Variants in RANBP3 observed in about 807,000 individuals in gnomAD.
The protein encoded by RANBP3 is ran-binding protein 3.
In RANBP3, 14 loss-of-function variants were observed where a neutral mutation model predicts 77.3. The observed-to-expected ratio is 0.18, with a 90% CI of 0.12 to 0.28. The LOEUF (loss-of-function observed/expected upper bound fraction) is 0.28. Ranked by LOEUF, RANBP3 falls within the 10% of genes least tolerant of loss-of-function variation. RANBP3 has a pLI of 1.00. For synonymous variants in RANBP3, 315 were observed against 312.4 expected, an observed-to-expected ratio of 1.01 and a Z score of -0.09; for missense variants, 586 against 752.3, an observed-to-expected ratio of 0.78 and a Z score of 2.59.
chr19:5,973,655 A>G (rs559794627), intron 1 of RANBP3, among the ~76,000 whole-genome samples: 3 of 152,156 alleles, frequency 2.0e-5, no homozygotes, highest in Non-Finnish European at 4.4e-5. Flanking sequence ...CCCAGGGCCA[A>G]CTCTGAGTGG....
At chr19:5,960,274 C>T (rs999200252) in intron 1 of RANBP3, among the ~76,000 whole-genome samples, 6 of 152,194 alleles carry the variant, frequency 3.9e-5, no homozygotes, top group African/African-American at 7.2e-5. Context: ...AGTTTGAGCT[C>T]GATTTCTGCC....
chr19:5,977,598 G>A (rs1350934891), intron 1 of RANBP3, among the ~76,000 whole-genome samples: 2 of 152,076 alleles, frequency 1.3e-5, no homozygotes, highest in African/African-American at 2.4e-5. Flanking sequence ...GGAGGACGAG[G>A]GCCTCACGGG....
intron 6 of RANBP3, 99 bp downstream of exon 6, chr19:5,933,315 T>C: frequency 1.0e-6 from 1 of 956,552 alleles, no homozygotes; most frequent in South Asian, 1.7e-5. Context: ...GTGATCTTTC[T>C]AGAAAGCAGG....
chr19:5,943,119 A>C (rs971768796), intron 3 of RANBP3, among the ~76,000 whole-genome samples: 1 of 152,216 alleles, frequency 6.6e-6, no homozygotes, highest in Non-Finnish European at 1.5e-5. Flanking sequence ...AGCAGCCCAA[A>C]GCGCACCGAT....
At chr19:5,938,858 T>C (rs1192640830) in intron 5 of RANBP3, among the ~76,000 whole-genome samples, 1 of 151,988 alleles carries the variant, frequency 6.6e-6, no homozygotes, top group Admixed American at 6.6e-5. Flanking sequence ...GGGATTCTTT[T>C]TAGTTGAAAT....
At position 5,925,717 on chromosome 19, in the gene RANBP3, G is replaced by A. The variant is rs1174428558; in HGVS notation, c.834C>T (p.Asp278=). 1.9e-6 allele frequency: 3 copies of A among 1,613,694 alleles called. No individual in the cohort carries two copies. The highest frequency in any genetic ancestry group is 3.3e-5 in the Admixed American group (2 of 59,974). The change falls in exon 10 of 17, where the codon GAC becomes GAT. Residue 278 remains aspartate (D), a synonymous_variant. Coordinates refer to ENST00000340578, the MANE Select transcript of RANBP3 (RefSeq NM_007322.3). ...DRVKLINESV[D]EADMENAGHP... ...GTCCAGCATTCTCCATGTCGGCTTCGTCCACGCTCTCATTTATCAGCTGGG... is the reference window on the plus strand; with the variant it reads ...GTCCAGCATTCTCCATGTCGGCTTCATCCACGCTCTCATTTATCAGCTGGG...
chr19:5,917,985 G>A lies in RANBP3; in HGVS notation c.1474-5C>T. On this transcript the variant is annotated splice_region_variant and splice_polypyrimidine_tract_variant and intron_variant, in intron 15 of 16. Transcript: ENST00000340578. Reference sequence around the variant, plus strand: ...ACCTGTGTCCTTGGAGCTGGCCTGGGAAGGGAGGAGGGTATGAGACCCCCG... The same window carrying A: ...ACCTGTGTCCTTGGAGCTGGCCTGGAAAGGGAGGAGGGTATGAGACCCCCG... The A allele has an allele frequency of 6.3e-7, 1 of 1,583,126 alleles. No individual in the cohort carries two copies. Among genetic ancestry groups the A allele is most frequent in the South Asian group, 1.1e-5 (1 of 87,778 alleles).
rs1416560265 is a variant in RANBP3, at chr19:5,951,446, G to C, written c.229C>G (p.Pro77Ala). ...AGCTGGGCTTCAGGAGCGGGAGGCGGAGGAGTGCTGGCTGAGGCGCCAGCA... is the reference window on the plus strand; with the variant it reads ...AGCTGGGCTTCAGGAGCGGGAGGCGCAGGAGTGCTGGCTGAGGCGCCAGCA... ...APAGASASTPPPPAPEAQLPP... is the reference protein window; with the variant it reads ...APAGASASTPAPPAPEAQLPP... The change falls in exon 3 of 17, where the codon CCG (proline) becomes GCG (alanine). Residue 77 changes from proline (P) to alanine (A), a missense_variant. Physicochemically the swap from Pro to Ala is conservative, Grantham distance 27. This residue lies in a region of RANBP3 where 172 missense variants were observed against 183.4 expected (regional missense o/e 0.94). Transcript: ENST00000340578. The C allele has an allele frequency of 6.9e-6, 11 of 1,598,458 alleles. No individual in the cohort carries two copies. Among genetic ancestry groups the C allele is most frequent in the Non-Finnish European group, 9.4e-6 (11 of 1,171,994 alleles).
intron 1 of RANBP3, among the ~76,000 whole-genome samples, chr19:5,966,263 C>T (rs1422167177): frequency 1.3e-5 from 2 of 152,152 alleles, no homozygotes; most frequent in African/African-American, 4.8e-5. Context: ...TCATGAGTTC[C>T]GGGGTCAGTG....
chr19:5,929,887 C>T (rs1250947728), intron 8 of RANBP3, among the ~76,000 whole-genome samples: 1 of 152,220 alleles, frequency 6.6e-6, no homozygotes, highest in Non-Finnish European at 1.5e-5. Flanking sequence ...GGCTTTGGAG[C>T]CAGACGCAGG....
chr19:5,953,396 G>A (rs528432493), intron 2 of RANBP3, among the ~76,000 whole-genome samples: 2 of 152,246 alleles, frequency 1.3e-5, no homozygotes, highest in Non-Finnish European at 2.9e-5. Flanking sequence ...CAAAAACCAC[G>A]TGCACCAGGG....
intron 3 of RANBP3, among the ~76,000 whole-genome samples, chr19:5,944,390 G>T (rs1416848606): frequency 2.0e-5 from 3 of 152,222 alleles, no homozygotes; most frequent in Non-Finnish European, 4.4e-5. Context: ...CATCTGTGGG[G>T]TGGGTACAGG....
In RANBP3 at chr19:5,941,658, T is replaced by C; in HGVS notation, c.369A>G (p.Arg123=). 1.9e-6 allele frequency: 3 copies of C among 1,613,876 alleles called. No homozygotes were observed. The highest frequency in any genetic ancestry group is 2.5e-6 in the Non-Finnish European group (3 of 1,179,914). ...GNYCPPVKRE[R]TSSLTQFPPS... is the part of the protein sequence containing the mutation. Reference sequence around the variant, plus strand: ...GTGGGAACTGGGTTAAAGAGGATGTTCTTTCTCGCTTGACAGGAGGGCAGT... The same window carrying C: ...GTGGGAACTGGGTTAAAGAGGATGTCCTTTCTCGCTTGACAGGAGGGCAGT... Residue 123 remains arginine (R), a synonymous_variant, in exon 5 of 17, where the codon AGA becomes AGG. Transcript: ENST00000340578.
intron 2 of RANBP3, among the ~76,000 whole-genome samples, chr19:5,953,906 TGGAACGATA>T: frequency 6.6e-6 from 1 of 152,260 alleles, no homozygotes; most frequent in East Asian, 1.9e-4. Context: ...TTTTCTATCC[TGGAACGATA>T]GGATTTGGCA....
chr19:5,946,874 G>C (rs926785796), intron 3 of RANBP3, among the ~76,000 whole-genome samples: 1 of 152,196 alleles, frequency 6.6e-6, no homozygotes, highest in Non-Finnish European at 1.5e-5. Flanking sequence ...CCAGGAGTCT[G>C]GACCTGTTTG....
chr19:5,922,722 A>C (rs140767456), intron 13 of RANBP3, among the ~76,000 whole-genome samples: 1 of 152,212 alleles, frequency 6.6e-6, no homozygotes, highest in East Asian at 1.9e-4. Context: ...GGTGGATCAC[A>C]TGAGGTCAGG....
At chr19:5,976,903 C>T (rs2058598822) in intron 1 of RANBP3, among the ~76,000 whole-genome samples, 1 of 152,230 alleles carries the variant, frequency 6.6e-6, no homozygotes, top group South Asian at 2.1e-4. Context: ...TGGTTCACAT[C>T]CCTGCTCCTT....
rs780535753 is a variant in RANBP3, at chr19:5,918,517, G to A, written c.1452C>T (p.Gly484=). Residue 484 remains glycine (G), a synonymous_variant, in exon 15 of 17, where the codon GGC becomes GGT. Transcript: ENST00000340578. The part of the protein sequence containing the change: ...RITAMDTEDQ[G]VKVFLISASS... The stretch of plus-strand genomic sequence containing the variant: ...TCACCGAGATCAGGAAGACCTTCAC[G>A]CCCTGGTCCTCGGTGTCCATGGCTG... 9 of 1,611,518 alleles carry A rather than the reference G, an allele frequency of 5.6e-6. No individual in the cohort carries two copies. Among genetic ancestry groups the A allele is most frequent in the South Asian group, 1.1e-5 (1 of 90,942 alleles).
chr19:5,969,049 C>A (rs1422851755), intron 1 of RANBP3, among the ~76,000 whole-genome samples: 1 of 152,090 alleles, frequency 6.6e-6, no homozygotes, highest in Non-Finnish European at 1.5e-5. Flanking sequence ...GGATCCCAGG[C>A]AGAGGGGACC....
Sources: gnomAD v4.1 joint callset for allele counts (sites outside exome capture counted in the v4.1 genomes callset) on GRCh38, gnomAD v4.1.1 for gene constraint, gnomAD v4.1.1 regional missense constraint, MANE v1.5 for transcripts, NCBI Gene and HGNC (gene_info 2026-07-23, HGNC 2026-07-21) for gene names.